The following CACNB4 variants were observed in gnomAD, a reference collection of about 807,000 sequenced individuals.
CACNB4 encodes the protein voltage-dependent L-type calcium channel subunit beta-4.
CACNB4 carries 32 observed loss-of-function variants against 71.2 expected under a neutral mutation model. The observed-to-expected ratio is 0.45, with a 90% CI of 0.34 to 0.60. CACNB4 has a LOEUF of 0.60. Ranked by LOEUF, CACNB4 falls within the 20% of genes least tolerant of loss-of-function variation. The probability of loss-of-function intolerance (pLI) is 0.01; values close to 1 mark genes in which losing one functional copy is unlikely to be tolerated. For missense variants in CACNB4, 464 were observed against 647.9 expected (o/e 0.72, Z 3.08); for synonymous variants, 231 against 236.9 (o/e 0.97, Z 0.23).
intron 2 of CACNB4, among the ~76,000 whole-genome samples, chr2:151,917,965 C>A (rs1256686049): frequency 6.6e-6 from 1 of 152,072 alleles, no homozygotes; most frequent in Non-Finnish European, 1.5e-5. Context: ...AACCCCAATG[C>A]ACTGACAACT....
intron 2 of CACNB4, among the ~76,000 whole-genome samples, chr2:152,047,786 C>A (rs1029761000): frequency 6.6e-6 from 1 of 152,186 alleles, no homozygotes; most frequent in Non-Finnish European, 1.5e-5. Context: ...GTAATCTCAG[C>A]TACTCAGGAG....
chr2:152,054,494 T>C (rs968657637), intron 2 of CACNB4, among the ~76,000 whole-genome samples: 10 of 152,212 alleles, frequency 6.6e-5, no homozygotes, highest in Admixed American at 3.9e-4. Context: ...ACCATTTGGG[T>C]TGTTTCCTTT....
At chr2:152,001,526 T>TAAA (rs70974816) in intron 2 of CACNB4, among the ~76,000 whole-genome samples, 1,161 of 35,494 alleles carry the variant, frequency 0.033, 64 homozygotes, top group African/African-American at 0.055. Context: ...CCATCTCTAC[T>TAAA]AAAAAAAAAA....
At position 152,098,316 on chromosome 2, in the gene CACNB4, C is replaced by T. The variant is rs779765511; in HGVS notation, c.147+14G>A. 1 of 1,608,076 alleles carries T rather than the reference C, an allele frequency of 6.2e-7. No individual in the cohort carries two copies. On this transcript the variant is annotated intron_variant, in intron 2 of 13. Transcript: ENST00000539935. This position sits in a 1 kb window ranked among gnomAD's most constrained non-coding sequence, Gnocchi z 5.3. The stretch of plus-strand genomic sequence containing the variant: ...GCCTCCTCCCCATCCTGGTCTCCCG[C>T]CTCCTTCTCATACCTGTCTGAGGAT...
intron 2 of CACNB4, among the ~76,000 whole-genome samples, chr2:152,052,668 A>AT (rs1560164110): frequency 1.3e-5 from 2 of 152,200 alleles, no homozygotes; most frequent in Admixed American, 6.5e-5. Flanking sequence ...TTGCCAAATA[A>AT]TATTCTATTG....
At chr2:152,051,193 G>T (rs1219700482) in intron 2 of CACNB4, among the ~76,000 whole-genome samples, 1 of 152,078 alleles carries the variant, frequency 6.6e-6, no homozygotes, top group Non-Finnish European at 1.5e-5. Context: ...CCTTTTCCTT[G>T]ACCGCCCCCC....
At chr2:151,998,040 A>G (rs1682163380) in intron 2 of CACNB4, among the ~76,000 whole-genome samples, 1 of 152,156 alleles carries the variant, frequency 6.6e-6, no homozygotes, top group Admixed American at 6.5e-5. Flanking sequence ...AAGTTGAAAT[A>G]GGCTGGGCAT....
chr2:152,035,645 CTCTCTCTATA>C (rs1350534083), intron 2 of CACNB4, among the ~76,000 whole-genome samples: 1 of 130,456 alleles, frequency 7.7e-6, no homozygotes, highest in African/African-American at 3.2e-5. Flanking sequence ...CTCTCTCTCT[CTCTCTCTATA>C]TATATATATA....
At chr2:151,869,727 T>C (rs1292209377) in intron 8 of CACNB4, 2 of 168,810 alleles carry the variant, frequency 1.2e-5, no homozygotes, top group Admixed American at 1.2e-4. Context: ...CCCTCTGACA[T>C]TTCCAACTCT....
intron 12 of CACNB4, among the ~76,000 whole-genome samples, chr2:151,842,451 CT>C (rs2099836471): frequency 6.6e-6 from 1 of 151,362 alleles, no homozygotes; most frequent in South Asian, 2.1e-4. Flanking sequence ...CTGCCTCAGC[CT>C]CCCAAGTAGC....
intron 2 of CACNB4, among the ~76,000 whole-genome samples, chr2:152,044,591 C>T (rs992419456): frequency 6.6e-6 from 1 of 152,128 alleles, no homozygotes; most frequent in Admixed American, 6.5e-5. Flanking sequence ...CTATTACTCC[C>T]AGGTAGGGAA....
At chr2:151,994,925 T>C (rs1681954779) in intron 2 of CACNB4, among the ~76,000 whole-genome samples, 2 of 152,194 alleles carry the variant, frequency 1.3e-5, no homozygotes, top group African/African-American at 4.8e-5. Flanking sequence ...TGAGCCACCA[T>C]ATCTAGCTGC....
chr2:151,881,558 G>A (rs532857898), intron 3 of CACNB4, among the ~76,000 whole-genome samples: 6 of 152,340 alleles, frequency 3.9e-5, no homozygotes, highest in African/African-American at 1.2e-4. Flanking sequence ...GTGGGGACAC[G>A]TAAACCACCA....
chr2:151,854,990 C>T lies in CACNB4; in HGVS notation c.1020+234G>A, dbSNP rs866311506. ...GTCTTAATGTTTTGTTTCTATTATA[C>T]ACTTGCATAACTGTCTTGTTTGGGA... On this transcript the variant is annotated intron_variant, in intron 11 of 13. Transcript: ENST00000539935. 7 of 354,700 alleles carry T rather than the reference C, an allele frequency of 2.0e-5. No homozygotes were observed. In the Middle Eastern group the frequency reaches 3.0e-3, roughly 154 times the overall value. 22.0% of individuals were successfully genotyped at this position (354,700 alleles called of 1,614,324 possible).
At chr2:151,915,705 G>A (rs2099857301) in intron 2 of CACNB4, among the ~76,000 whole-genome samples, 1 of 152,128 alleles carries the variant, frequency 6.6e-6, no homozygotes, top group Non-Finnish European at 1.5e-5. Flanking sequence ...AAATCAGCTG[G>A]GCATGGTGGC....
intron 2 of CACNB4, among the ~76,000 whole-genome samples, chr2:151,931,344 A>C (rs963770288): frequency 6.6e-6 from 1 of 152,218 alleles, no homozygotes; most frequent in Non-Finnish European, 1.5e-5. Context: ...AGTTGCCCTA[A>C]AGTGGCAAGT....
At position 151,994,353 on chromosome 2, in the gene CACNB4, G is replaced by A. The variant is rs1022896007; in HGVS notation, c.147+103977C>T. ...CTCCCAAGTAGCTGGGATTAAAGGC[G>A]TGTGCCACCACACCCAGCTCATTTT... On this transcript the variant is annotated intron_variant, in intron 2 of 13. Transcript: ENST00000539935. Among the ~76,000 whole-genome samples, 9 of 151,032 alleles carry A rather than the reference G, an allele frequency of 6.0e-5. 1 individual carries two copies. The South Asian group carries it at 1.0e-3, about 18-fold the overall frequency.
At chr2:151,934,344 A>G (rs1309635598) in intron 2 of CACNB4, among the ~76,000 whole-genome samples, 1 of 152,242 alleles carries the variant, frequency 6.6e-6, no homozygotes. Context: ...CGACAGATAC[A>G]CATCCAATTG....
In CACNB4 at chr2:151,991,399, A is replaced by G. The variant is rs79943575; in HGVS notation, c.147+106931T>C. On this transcript the variant is annotated intron_variant, in intron 2 of 13. Coordinates refer to ENST00000539935, the MANE Select transcript of CACNB4 (RefSeq NM_000726.5). ...CACAGTTCTGCTAAGCTCACTGTGA[A>G]ATCTCTTTACATGTTTTTCTCTAAC... Among the ~76,000 whole-genome samples, 1,271 of 152,330 alleles carry G rather than the reference A, an allele frequency of 8.3e-3. 15 individuals carry two copies. Among genetic ancestry groups the G allele is most frequent in the African/African-American group, 0.029 (1,192 of 41,566 alleles).
Sources: allele counts gnomAD v4.1 joint callset (sites outside exome capture counted in the v4.1 genomes callset), GRCh38; gene constraint gnomAD v4.1.1; non-coding constraint Gnocchi (gnomAD v3.1); transcripts MANE v1.5; gene names NCBI Gene and HGNC (gene_info 2026-07-23, HGNC 2026-07-21).